Variants in PNPLA6 observed in about 807,000 individuals in gnomAD.
PNPLA6 encodes patatin like domain 6, lysophospholipase, also known as patatin-like phospholipase domain-containing protein 6.
Under a neutral mutation model 153.7 loss-of-function variants are expected in PNPLA6, and 105 were observed. That is an observed-to-expected ratio of 0.68 (90% CI 0.58 to 0.80). The LOEUF is 0.80. Ranked by LOEUF, PNPLA6 falls within the 30% of genes least tolerant of loss-of-function variation. The pLI is 0.00. For missense variants in PNPLA6, 1,423 were observed against 1,919.3 expected (o/e 0.74, Z 4.83); for synonymous variants, 825 against 822.2 (o/e 1.00, Z -0.06).
chr19:7,551,113 G>A lies in PNPLA6; in HGVS notation c.2184+6G>A, dbSNP rs1276962475. ...TCAAACGCCGGTACCCGCAGGTGCG[G>A]CCTGTTGTGGGCGGGGCAGAGAGGC... On this transcript the variant is annotated splice_donor_region_variant and intron_variant, in intron 17 of 31. Transcript: ENST00000600737. 12 of 1,531,198 alleles carry A rather than the reference G, an allele frequency of 7.8e-6. No individual in the cohort carries two copies. The highest frequency in any genetic ancestry group is 1.2e-5 in the South Asian group (1 of 83,656). 94.9% of individuals were successfully genotyped at this position (1,531,198 alleles called of 1,614,324 possible). A position where few individuals can be genotyped will look rare whatever the true frequency, so the allele number is the denominator to read the frequency against.
chr19:7,549,894 C>T lies in PNPLA6; in HGVS notation c.1609-13C>T. ...TCCGGGTTCTGTGTTCATCACATCC[C>T]CTGCCCGCACAGGACGTGAGCCTGC... On this transcript the variant is annotated splice_polypyrimidine_tract_variant and intron_variant, in intron 13 of 31. Transcript: ENST00000600737. The T allele has an allele frequency of 6.2e-7, 1 of 1,612,684 alleles. No homozygotes were observed.
intron 11 of PNPLA6, 36 bp from the exon 12 acceptor site, chr19:7,542,725 G>A (rs768362527): frequency 6.2e-7 from 1 of 1,612,732 alleles, no homozygotes; most frequent in Non-Finnish European, 8.5e-7. Context: ...GTGGCTGGGA[G>A]GGAGCATCAG....
chr19:7,546,527 G>A (rs1035106405), intron 13 of PNPLA6, among the ~76,000 whole-genome samples: 9 of 152,268 alleles, frequency 5.9e-5, no homozygotes, highest in Admixed American at 4.6e-4. Flanking sequence ...CCAGCTACAC[G>A]GGAAGCTGAG....
intron 13 of PNPLA6, among the ~76,000 whole-genome samples, chr19:7,544,905 C>G (rs1032186551): frequency 1.7e-4 from 26 of 152,206 alleles, no homozygotes; most frequent in African/African-American, 5.8e-4. Flanking sequence ...ATCTGGGAGA[C>G]TGCTGGCCAC....
intron 3 of PNPLA6, among the ~76,000 whole-genome samples, chr19:7,539,204 G>A (rs1271481207): frequency 6.6e-6 from 1 of 152,206 alleles, no homozygotes; most frequent in African/African-American, 2.4e-5. Context: ...CCAGCCGGGT[G>A]CAGTGGCTCA....
At chr19:7,560,987 A>C in intron 29 of PNPLA6, 27 bp from the exon 30 acceptor site, 1 of 1,507,396 alleles carries the variant, frequency 6.6e-7, no homozygotes, top group African/African-American at 1.4e-5. Context: ...GGCCCCCCCT[A>C]AGAGCCTCAC....
chr19:7,561,750 C>G lies in PNPLA6; in HGVS notation c.*188C>G. ...CTTGACCAGCCCCTCCCCCAATAAACTCGCCTCTTGGAAATGGCTTCCTGT... is the reference window on the plus strand; with the variant it reads ...CTTGACCAGCCCCTCCCCCAATAAAGTCGCCTCTTGGAAATGGCTTCCTGT... On this transcript the variant is annotated 3_prime_UTR_variant, in exon 32 of 32. Coordinates refer to ENST00000600737, the MANE Select transcript of PNPLA6 (RefSeq NM_001166114.2). 2.9e-6 allele frequency: 2 copies of G among 701,126 alleles called. No homozygotes were observed. Among genetic ancestry groups the G allele is most frequent in the Non-Finnish European group, 5.2e-6 (2 of 384,384 alleles). The allele number at this position is 701,126 out of a possible 1,614,324, so 43.4% of individuals were successfully genotyped here.
At position 7,540,381 on chromosome 19, in the gene PNPLA6, A is replaced by AC. The variant is rs2023075678; in HGVS notation, c.714+73_714+74insC. 12 of 1,500,818 alleles carry AC rather than the reference A, an allele frequency of 8.0e-6. No homozygotes were observed. The East Asian group carries it at 2.5e-4, about 32-fold the overall frequency. The allele number at this position is 1,500,818 out of a possible 1,614,324, so 93.0% of individuals were successfully genotyped here. A position where few individuals can be genotyped will look rare whatever the true frequency, so the allele number is the denominator to read the frequency against. On this transcript the variant is annotated intron_variant, in intron 5 of 31. Coordinates refer to ENST00000600737, the MANE Select transcript of PNPLA6 (RefSeq NM_001166114.2). This position sits in a 1 kb window ranked among gnomAD's most constrained non-coding sequence, Gnocchi z 6.8. ...ATGGGCAGCAGGCATTGGTCTGTAG[A>AC]GCTGGTGGTCTTTGGAGATGCGTCA... is the stretch of plus-strand genomic sequence containing the variant.
At chr19:7,539,889 C>T (rs2023048336) in intron 3 of PNPLA6, 29 bp from the exon 4 acceptor site, 2 of 1,439,418 alleles carry the variant, frequency 1.4e-6, no homozygotes, top group South Asian at 1.2e-5. Flanking sequence ...GTGCCCCCCT[C>T]ACCCCCGGCA....
chr19:7,550,775 C>T, intron 16 of PNPLA6, 135 bp downstream of exon 16: 1 of 1,180,510 alleles, frequency 8.5e-7, no homozygotes, highest in Non-Finnish European at 1.2e-6. Flanking sequence ...GTCCACTCCC[C>T]GCCCAGACCT....
Position 7,542,765 on chromosome 19 carries a change from C to T in PNPLA6, c.1367C>T (p.Pro456Leu). The change falls in exon 12 of 32, where the codon CCC becomes CTC. Residue 456 changes from proline to leucine, a missense_variant. Physicochemically the swap from Pro to Leu is moderately conservative, Grantham distance 98 (BLOSUM62 -3). Transcript: ENST00000600737. ...GGSLAAPART[P>L]TQEPREQPAG... ...TCACAAGCCTGCCCCACTCAGACCC[C>T]CACTCAGGAGCCTCGTGAGCAGCCG... The T allele has an allele frequency of 6.2e-7, 1 of 1,613,002 alleles. No individual in the cohort carries two copies. Among genetic ancestry groups the T allele is most frequent in the Non-Finnish European group, 8.5e-7 (1 of 1,179,922 alleles).
rs1467426728 is a variant in PNPLA6 at position 7,550,629 on chromosome 19, C to A, written c.2059C>A (p.Leu687Ile). ...GGTGGGCGAGTACGGCCGCGGCGAC[C>A]TCATCGGCGTGGTGAGCGCGACCCC... ...ELVGEYGRGD[L>I]IGVVEALTRQ... Residue 687 changes from leucine to isoleucine, a missense_variant, in exon 16 of 32, where the codon CTC (leucine) becomes ATC (isoleucine). This residue lies in a region of PNPLA6 where 63 missense variants were observed against 166.2 expected (regional missense o/e 0.38). Coordinates refer to ENST00000600737, the MANE Select transcript of PNPLA6 (RefSeq NM_001166114.2). 1.2e-6 allele frequency: 2 copies of A among 1,611,338 alleles called. No individual in the cohort carries two copies. The highest frequency in any genetic ancestry group is 2.2e-5 in the South Asian group (2 of 90,932).
chr19:7,549,986 T>A lies in PNPLA6; in HGVS notation c.1688T>A (p.Leu563Gln). ...RMIDKAEDVC[L>Q]FVAQPGELVG... ...ATCGACAAGGCGGAGGACGTGTGCC[T>A]GTTCGTAGCGCAGCCCGGGGAACTG... The change falls in exon 14 of 32, where the codon CTG (leucine) becomes CAG (glutamine). Residue 563 changes from leucine to glutamine, a missense_variant. Transcript: ENST00000600737. 6.2e-7 allele frequency: 1 copy of A among 1,614,016 alleles called. No homozygotes were observed. Among genetic ancestry groups the A allele is most frequent in the Non-Finnish European group, 8.5e-7 (1 of 1,180,038 alleles).
chr19:7,561,124 G>A lies in PNPLA6; in HGVS notation c.3913+14G>A. On this transcript the variant is annotated intron_variant, in intron 30 of 31. Coordinates refer to ENST00000600737, the MANE Select transcript of PNPLA6 (RefSeq NM_001166114.2). The stretch of plus-strand genomic sequence containing the variant: ...GCTGTGCTGACGGTGAGGGGCCCAG[G>A]GGACCCCCCAAGAGGGAGGGGAGTG... The A allele has an allele frequency of 6.4e-7, 1 of 1,550,938 alleles. No individual in the cohort carries two copies. Among genetic ancestry groups the A allele is most frequent in the Non-Finnish European group, 8.7e-7 (1 of 1,152,996 alleles).
At position 7,542,771 on chromosome 19, in the gene PNPLA6, A is replaced by G. The variant is rs1208089387; in HGVS notation, c.1373A>G (p.Gln458Arg). 1 of 1,613,048 alleles carries G rather than the reference A, an allele frequency of 6.2e-7. No homozygotes were observed. The highest frequency in any genetic ancestry group is 2.2e-5 in the East Asian group (1 of 44,874). The change falls in exon 12 of 32, where the codon CAG (glutamine) becomes CGG (arginine). Residue 458 changes from glutamine (Q) to arginine (R), a missense_variant. Physicochemically the swap from Gln to Arg is conservative, Grantham distance 43 (BLOSUM62 1). Coordinates refer to ENST00000600737, the MANE Select transcript of PNPLA6 (RefSeq NM_001166114.2). The part of the protein sequence containing the change: ...SLAAPARTPT[Q>R]EPREQPAGAC... ...GCCTGCCCCACTCAGACCCCCACTC[A>G]GGAGCCTCGTGAGCAGCCGGCAGGC...
At chr19:7,553,264 C>T (rs2023734431) in intron 18 of PNPLA6, among the ~76,000 whole-genome samples, 1 of 152,028 alleles carries the variant, frequency 6.6e-6, no homozygotes, top group Admixed American at 6.6e-5. Context: ...CTTTTATTTT[C>T]TTTTTAAGAC....
In PNPLA6 at chr19:7,541,337, C is replaced by G. The variant is rs1387515295; in HGVS notation, c.925-17C>G. The G allele has an allele frequency of 6.2e-7, 1 of 1,610,802 alleles. No individual in the cohort carries two copies. Among genetic ancestry groups the G allele is most frequent in the Non-Finnish European group, 8.5e-7 (1 of 1,177,618 alleles). ...TACCCCGCCCCATCTTATGGCCACG[C>G]CCCTCGAGCCCTGCAGATCATCATG... On this transcript the variant is annotated splice_polypyrimidine_tract_variant and intron_variant, in intron 7 of 31. Transcript: ENST00000600737. This position sits in a 1 kb window ranked among gnomAD's most constrained non-coding sequence, Gnocchi z 5.2.
intron 3 of PNPLA6, 25 bp from the exon 4 acceptor site, chr19:7,539,893 C>T: frequency 6.7e-7 from 1 of 1,500,942 alleles, no homozygotes. Context: ...CCCCCTCACC[C>T]CCGGCACCCC....
intron 3 of PNPLA6, among the ~76,000 whole-genome samples, chr19:7,537,792 C>T (rs908614119): frequency 6.6e-6 from 1 of 152,140 alleles, no homozygotes. Flanking sequence ...CAGGCTCATA[C>T]CACCATGCCC....
Sources: allele counts gnomAD v4.1 joint callset (sites outside exome capture counted in the v4.1 genomes callset), GRCh38; gene constraint gnomAD v4.1.1; regional missense constraint gnomAD v4.1.1; non-coding constraint Gnocchi (gnomAD v3.1); transcripts MANE v1.5; gene names NCBI Gene and HGNC (gene_info 2026-07-23, HGNC 2026-07-21).